ZNF208: variants seen among roughly 807,000 people sequenced by gnomAD.
The protein encoded by ZNF208 is zinc finger protein 208, also known as zinc finger protein 95.
In ZNF208, 10 loss-of-function variants were observed where a neutral mutation model predicts 12.1. That is an observed-to-expected ratio of 0.83 (90% CI 0.51 to 1.40). ZNF208 has a LOEUF of 1.40. Ranked by LOEUF, ZNF208 falls within the 40% of genes most tolerant of loss-of-function variation. ZNF208 has a pLI of 0.00. For synonymous variants in ZNF208, 497 were observed against 488.4 expected (o/e 1.02, Z -0.23); for missense variants, 1,652 against 1,485.0 (o/e 1.11, Z -1.85).
rs1366177561 is a variant in ZNF208 at position 21,968,001 on chromosome 19, T to G, written c.*3190A>C. On this transcript the variant is annotated 3_prime_UTR_variant, in exon 4 of 4. Coordinates refer to ENST00000397126, the MANE Select transcript of ZNF208 (RefSeq NM_007153.3). ...AGGTATTTTTTTGTGTGTTTGTTGC[T>G]ATTGTAAATAGAGCTGTGTTTTTTA... 2 of 152,184 alleles carry G rather than the reference T, an allele frequency of 1.3e-5. No homozygotes were observed. The highest frequency in any genetic ancestry group is 4.8e-5 in the African/African-American group (2 of 41,462). 9.4% of individuals were successfully genotyped at this position (152,184 alleles called of 1,614,324 possible).
chr19:21,981,461 C>T (rs1970536569), intron 3 of ZNF208, among the ~76,000 whole-genome samples: 1 of 152,102 alleles, frequency 6.6e-6, no homozygotes, highest in Non-Finnish European at 1.5e-5. Flanking sequence ...ACAAAAACCA[C>T]ATGATTATCT....
At chr19:21,956,817 TCA>T (rs978407619) in intron 4 of ZNF208, among the ~76,000 whole-genome samples, 1 of 152,106 alleles carries the variant, frequency 6.6e-6, no homozygotes, top group African/African-American at 2.4e-5. Context: ...CTGCTTCGGC[TCA>T]CACTCCATAG....
Position 21,973,127 on chromosome 19 carries a change from G to C in ZNF208, c.1907C>G (p.Pro636Arg). 1 of 1,613,246 alleles carries C rather than the reference G, an allele frequency of 6.2e-7. No individual in the cohort carries two copies. ...TTTGCCACATTCTTTACATTTGTAG[G>C]GCTTCTCTCCAGCATGAATTGCCTT... Reference protein sequence around the residue: ...THKAIHAGEKPYKCKECGKTF... With the variant: ...THKAIHAGEKRYKCKECGKTF... The change falls in exon 4 of 4, where the codon CCC becomes CGC. Residue 636 changes from proline (P) to arginine (R), a missense_variant. Physicochemically the swap from Pro to Arg is moderately radical, Grantham distance 103. Coordinates refer to ENST00000397126, the MANE Select transcript of ZNF208 (RefSeq NM_007153.3).
intron 4 of ZNF208, among the ~76,000 whole-genome samples, chr19:21,954,083 T>C (rs1212869862): frequency 1.3e-5 from 2 of 152,230 alleles, no homozygotes; most frequent in Non-Finnish European, 2.9e-5. Context: ...TGCCTTCATT[T>C]CATTATTTAC....
Position 21,975,352 on chromosome 19 carries a change from G to A in ZNF208, c.227-545C>T, listed in dbSNP as rs182861258. 1.1e-3 allele frequency among the ~76,000 whole-genome samples: 168 copies of A among 152,280 alleles called. 1 individual carries two copies. The highest frequency in any genetic ancestry group is 3.7e-3 in the African/African-American group (155 of 41,558). On this transcript the variant is annotated intron_variant, in intron 3 of 3. Transcript: ENST00000397126. ...CCAAAGGTAAATGCACTGCAGCAGA[G>A]CACTGCAGTCCTGCAGAGAGAGACC...
chr19:21,940,729 C>A (rs925188211), intron 4 of ZNF208: 1 of 152,316 alleles, frequency 6.6e-6, no homozygotes, highest in African/African-American at 2.4e-5. Flanking sequence ...TGAGCCTGCC[C>A]GGCCCAGCCC....
intron 4 of ZNF208, among the ~76,000 whole-genome samples, chr19:21,951,675 T>C (rs182354444): frequency 1.3e-5 from 2 of 151,878 alleles, no homozygotes; most frequent in African/African-American, 4.8e-5. Context: ...AAATCGGAGA[T>C]CCATTCCAAG....
rs748003265 is a variant in ZNF208 at position 21,971,834 on chromosome 19, C to A, written c.3200G>T (p.Ser1067Ile). The A allele has an allele frequency of 6.2e-7, 1 of 1,609,872 alleles. No individual in the cohort carries two copies. The highest frequency in any genetic ancestry group is 1.1e-5 in the South Asian group (1 of 90,690). ...ATGTTCAGTAAGTCTTGAGGGCCAG[C>A]TGAAGGCTTTGCCACATTCTTCACA... The part of the protein sequence containing the change: ...YKCEECGKAF[S>I]WPSRLTEHKA... Residue 1067 changes from serine to isoleucine, a missense_variant, in exon 4 of 4, where the codon AGC becomes ATC. Around this residue, in one of 3 missense-constraint regions of ZNF208, gnomAD observed 1,239 missense variants for 1,086.2 expected, o/e 1.14. Transcript: ENST00000397126.
At chr19:21,995,732 G>A (rs150844734) in intron 1 of ZNF208, among the ~76,000 whole-genome samples, 2 of 152,278 alleles carry the variant, frequency 1.3e-5, no homozygotes, top group East Asian at 3.9e-4. Flanking sequence ...GTATAGTTGT[G>A]GTCATGGCTC....
At chr19:21,986,159 C>G (rs1970625821) in intron 3 of ZNF208, among the ~76,000 whole-genome samples, 1 of 152,108 alleles carries the variant, frequency 6.6e-6, no homozygotes. Context: ...TAACACAGCA[C>G]TTGAAGTATG....
intron 4 of ZNF208, among the ~76,000 whole-genome samples, chr19:21,948,339 C>G (rs982149815): frequency 1.4e-4 from 22 of 152,182 alleles, no homozygotes; most frequent in African/African-American, 5.3e-4. Context: ...TTTCTTTGCC[C>G]TGTGAGACAA....
chr19:21,969,470 G>A lies in ZNF208; in HGVS notation c.*1721C>T, dbSNP rs1351916129. 2.0e-5 allele frequency among the ~76,000 whole-genome samples: 3 copies of A among 152,106 alleles called. No homozygotes were observed. Among genetic ancestry groups the A allele is most frequent in the African/African-American group, 2.4e-5 (1 of 41,426 alleles). On this transcript the variant is annotated 3_prime_UTR_variant, in exon 4 of 4. Transcript: ENST00000397126. ...AGTTTGAGTGACAGGTATTTCTACT[G>A]TGAATTAGCTGATATTTACATAAAC...
At chr19:21,994,468 G>A (rs1221032078) in intron 1 of ZNF208, among the ~76,000 whole-genome samples, 1 of 152,172 alleles carries the variant, frequency 6.6e-6, no homozygotes, top group African/African-American at 2.4e-5. Flanking sequence ...CTCCAAAAAA[G>A]GGTGAATATG....
At chr19:21,947,510 G>C (rs1373520825) in intron 4 of ZNF208, among the ~76,000 whole-genome samples, 1 of 152,094 alleles carries the variant, frequency 6.6e-6, no homozygotes, top group Non-Finnish European at 1.5e-5. Context: ...CCTTGTCAAT[G>C]CTCCCTCCAA....
At chr19:22,003,728 C>A (rs1214634059) in intron 1 of ZNF208, among the ~76,000 whole-genome samples, 1 of 152,148 alleles carries the variant, frequency 6.6e-6, no homozygotes, top group Non-Finnish European at 1.5e-5. Context: ...CCATTTGACC[C>A]AGTAACCTCA....
intron 1 of ZNF208, among the ~76,000 whole-genome samples, chr19:21,989,921 G>T (rs1218343279): frequency 6.6e-6 from 1 of 152,060 alleles, no homozygotes; most frequent in African/African-American, 2.4e-5. Flanking sequence ...CCCACTTTTT[G>T]ATGGGGTTGT....
Position 21,971,429 on chromosome 19 carries a change from C to T in ZNF208, c.3605G>A (p.Cys1202Tyr), listed in dbSNP as rs755939606. The T allele has an allele frequency of 3.7e-6, 6 of 1,609,946 alleles. No individual in the cohort carries two copies. In the South Asian group the frequency reaches 4.4e-5, roughly 12 times the overall value. ...TGAGGGCCACTTATAGGCTTTGCCA[C>T]ATTCTTCACATTTGTAGAGTTTCTC... ...TGEKLYKCEE[C>Y]GKAYKWPSTL... Residue 1202 changes from cysteine (C) to tyrosine (Y), a missense_variant, in exon 4 of 4, where the codon TGT becomes TAT. By Grantham distance (194) the Cys-to-Tyr change is radical. Coordinates refer to ENST00000397126, the MANE Select transcript of ZNF208 (RefSeq NM_007153.3).
intron 3 of ZNF208, among the ~76,000 whole-genome samples, chr19:21,979,164 A>G (rs1184918963): frequency 6.6e-6 from 1 of 152,234 alleles, no homozygotes; most frequent in Non-Finnish European, 1.5e-5. Flanking sequence ...TCAGGATATC[A>G]TCCAGGAGAA....
chr19:21,972,191 T>A lies in ZNF208; in HGVS notation c.2843A>T (p.Glu948Val). Residue 948 changes from glutamate (E) to valine (V), a missense_variant, in exon 4 of 4, where the codon GAA (glutamate) becomes GTA (valine). By Grantham distance (121) the Glu-to-Val change is moderately radical. This residue lies in a region of ZNF208 where 1,239 missense variants were observed against 1,086.2 expected (regional missense o/e 1.14). Coordinates refer to ENST00000397126, the MANE Select transcript of ZNF208 (RefSeq NM_007153.3). ...TGACTTATAGGCTTTGCCACATGCTTCACATTTGTAGAATTTCTCTCCAGC... is the reference window on the plus strand; with the variant it reads ...TGACTTATAGGCTTTGCCACATGCTACACATTTGTAGAATTTCTCTCCAGC... Reference protein sequence around the residue: ...THAGEKFYKCEACGKAYKSSS... With the variant: ...THAGEKFYKCVACGKAYKSSS... 1 of 1,613,328 alleles carries A rather than the reference T, an allele frequency of 6.2e-7. No individual in the cohort carries two copies. The highest frequency in any genetic ancestry group is 1.3e-5 in the African/African-American group (1 of 74,960).
Sources: gnomAD v4.1 joint callset for allele counts (sites outside exome capture counted in the v4.1 genomes callset) on GRCh38, gnomAD v4.1.1 for gene constraint, gnomAD v4.1.1 regional missense constraint, MANE v1.5 for transcripts, NCBI Gene and HGNC (gene_info 2026-07-23, HGNC 2026-07-21) for gene names.